The following MTX3 variants were observed in gnomAD, a reference collection of about 807,000 sequenced individuals.
MTX3 encodes metaxin-3.
A neutral mutation model predicts 42.5 loss-of-function variants in MTX3; 27 were observed. The observed-to-expected ratio is 0.64, with a 90% CI of 0.47 to 0.88. MTX3 has a LOEUF of 0.88. Among genes scored for constraint, MTX3 ranks in the 40% least tolerant of loss-of-function variants. The probability of loss-of-function intolerance (pLI) is 0.00; values close to 1 mark genes in which losing one functional copy is unlikely to be tolerated. For synonymous variants in MTX3, 144 were observed against 132.9 expected, an observed-to-expected ratio of 1.08 and a Z score of -0.57; for missense variants, 378 against 367.0, an observed-to-expected ratio of 1.03 and a Z score of -0.25.
Position 79,980,020 on chromosome 5 carries a change from G to A in MTX3, c.*3664C>T, listed in dbSNP as rs796688508. The A allele has an allele frequency of 1.3e-5, 2 of 152,214 alleles. No homozygotes were observed. The highest frequency in any genetic ancestry group is 4.8e-5 in the African/African-American group (2 of 41,528). The allele number at this position is 152,214 out of a possible 1,614,324, so 9.4% of individuals were successfully genotyped here. On this transcript the variant is annotated 3_prime_UTR_variant, in exon 9 of 9. Coordinates refer to ENST00000512528, the MANE Select transcript of MTX3 (RefSeq NM_001363818.2). ...AGACTCACAAGAAGTTATAAAAATAGTTCAGAGAGATCCCAGGTACCCACT... is the reference window on the plus strand; with the variant it reads ...AGACTCACAAGAAGTTATAAAAATAATTCAGAGAGATCCCAGGTACCCACT...
intron 6 of MTX3, 102 bp from the exon 7 acceptor site, chr5:79,987,209 C>A: frequency 1.0e-6 from 1 of 992,530 alleles, no homozygotes. Context: ...GGAGATCAAG[C>A]GGGGGCAGAT....
chr5:79,990,089 T>TA, intron 3 of MTX3, 71 bp downstream of exon 3: 2 of 908,478 alleles, frequency 2.2e-6, no homozygotes, highest in Non-Finnish European at 3.2e-6. Context: ...AAAAAATAAA[T>TA]AAATAAAATA....
At chr5:79,987,432 C>G (rs2151142474) in intron 6 of MTX3, among the ~76,000 whole-genome samples, 1 of 117,184 alleles carries the variant, frequency 8.5e-6, no homozygotes, top group Non-Finnish European at 1.7e-5. Context: ...AAGAGCAAGA[C>G]TCCATCTCAA....
At chr5:79,984,858 T>C (rs1056580783) in intron 8 of MTX3, among the ~76,000 whole-genome samples, 5 of 152,070 alleles carry the variant, frequency 3.3e-5, no homozygotes, top group African/African-American at 1.2e-4. Context: ...AATAAAACTT[T>C]CATGTGGAAA....
Position 79,982,918 on chromosome 5 carries a change from GA to G in MTX3, c.*765del, listed in dbSNP as rs1831405374. ...TTCACTTCTTCTGGAATTAATACAA[GA>G]AAGACAACTGAAGATGTACTACAAA... On this transcript the variant is annotated 3_prime_UTR_variant, in exon 9 of 9. Coordinates refer to ENST00000512528, the MANE Select transcript of MTX3 (RefSeq NM_001363818.2). The G allele has an allele frequency of 6.5e-6, 1 of 154,510 alleles. No homozygotes were observed. The highest frequency in any genetic ancestry group is 2.4e-5 in the African/African-American group (1 of 41,430). 9.6% of individuals were successfully genotyped at this position (154,510 alleles called of 1,614,324 possible). A position where few individuals can be genotyped will look rare whatever the true frequency, so the allele number is the denominator to read the frequency against.
In MTX3 at chr5:79,979,436, C is replaced by T. The variant is rs1204592840; in HGVS notation, c.*4248G>A. 1 of 152,160 alleles carries T rather than the reference C, an allele frequency of 6.6e-6. No individual in the cohort carries two copies. Among genetic ancestry groups the T allele is most frequent in the African/African-American group, 2.4e-5 (1 of 41,442 alleles). 9.4% of individuals were successfully genotyped at this position (152,160 alleles called of 1,614,324 possible). A position where few individuals can be genotyped will look rare whatever the true frequency, so the allele number is the denominator to read the frequency against. On this transcript the variant is annotated 3_prime_UTR_variant, in exon 9 of 9. Transcript: ENST00000512528. ...TATTTCTTAACATCAAGAACATATA[C>T]AAAAGATGATCATTACCACCCAAAT...
At chr5:79,985,897 G>A (rs371886437) in intron 7 of MTX3, among the ~76,000 whole-genome samples, 5 of 149,530 alleles carry the variant, frequency 3.3e-5, no homozygotes, top group Admixed American at 1.3e-4. Context: ...TGCTAACCAA[G>A]TGTTCTGCAA....
At position 79,983,675 on chromosome 5, in the gene MTX3, T is replaced by G. The variant is rs764574403; in HGVS notation, c.*9A>C. On this transcript the variant is annotated 3_prime_UTR_variant, in exon 9 of 9. Coordinates refer to ENST00000512528, the MANE Select transcript of MTX3 (RefSeq NM_001363818.2). ...ATCGTTTGACTTTGGCCACAAACCA[T>G]GACTACTCTCAGGGCGAAAGCCGTT... is the stretch of plus-strand genomic sequence containing the variant. 1 of 1,598,118 alleles carries G rather than the reference T, an allele frequency of 6.3e-7. No homozygotes were observed. Among genetic ancestry groups the G allele is most frequent in the African/African-American group, 1.3e-5 (1 of 74,674 alleles).
intron 1 of MTX3, 70 bp downstream of exon 1, chr5:79,991,087 TG>T: frequency 1.4e-6 from 2 of 1,423,914 alleles, no homozygotes; most frequent in Non-Finnish European, 1.9e-6. Flanking sequence ...AGCGGGAAAC[TG>T]GGGCAAGTCA....
At position 79,990,204 on chromosome 5, in the gene MTX3, T is replaced by C. The variant is rs1831603442; in HGVS notation, c.184A>G (p.Met62Val). The C allele has an allele frequency of 1.2e-6, 2 of 1,610,284 alleles. No individual in the cohort carries two copies. Among genetic ancestry groups the C allele is most frequent in the Non-Finnish European group, 8.5e-7 (1 of 1,178,408 alleles). ...AGTATTTTTGCTGGCTGAGAAACCA[T>C]GTCGTCTTCAGTTGTCAAAATTGGT... ...DVPILTTEDDMVSQPAKILNF... is the reference protein window; with the variant it reads ...DVPILTTEDDVVSQPAKILNF... The change falls in exon 3 of 9, where the codon ATG becomes GTG. Residue 62 changes from methionine to valine, a missense_variant. Coordinates refer to ENST00000512528, the MANE Select transcript of MTX3 (RefSeq NM_001363818.2).
At chr5:79,984,600 G>GT (rs1486329533) in intron 8 of MTX3, among the ~76,000 whole-genome samples, 2 of 150,700 alleles carry the variant, frequency 1.3e-5, no homozygotes, top group African/African-American at 4.9e-5. Flanking sequence ...TTGTAAAATA[G>GT]TAAGTATTAC....
In MTX3 at chr5:79,990,619, T is replaced by C; in HGVS notation, c.126A>G (p.Ile42Met). Residue 42 changes from isoleucine to methionine, a missense_variant, in exon 2 of 9, where the codon ATA becomes ATG. Transcript: ENST00000512528. ...CTCTTGAACCTCTCCAGGTGTTATC[T>C]ATCACATTGACTTTCAAGGGTGCAC... ...FSGAPLKVNV[I>M]DNTWRGSRGD... 2.5e-6 allele frequency: 4 copies of C among 1,612,610 alleles called. No homozygotes were observed. The highest frequency in any genetic ancestry group is 3.4e-6 in the Non-Finnish European group (4 of 1,179,152).
Position 79,981,121 on chromosome 5 carries a change from C to T in MTX3, c.*2563G>A, listed in dbSNP as rs1331493877. On this transcript the variant is annotated 3_prime_UTR_variant, in exon 9 of 9. Coordinates refer to ENST00000512528, the MANE Select transcript of MTX3 (RefSeq NM_001363818.2). ...CCAGGAGGTAGAGGTTGCAGTGAGCCGAGACTGCGCTACTGCACTCCAGCC... is the reference window on the plus strand; with the variant it reads ...CCAGGAGGTAGAGGTTGCAGTGAGCTGAGACTGCGCTACTGCACTCCAGCC... 1.3e-5 allele frequency: 2 copies of T among 151,692 alleles called. No homozygotes were observed. The highest frequency in any genetic ancestry group is 4.9e-5 in the African/African-American group (2 of 41,230). The allele number at this position is 151,692 out of a possible 1,614,324, so 9.4% of individuals were successfully genotyped here.
In MTX3 at chr5:79,986,945, C is replaced by T. The variant is rs1291168057; in HGVS notation, c.739+5G>A. 6.2e-7 allele frequency: 1 copy of T among 1,611,220 alleles called. No homozygotes were observed. The highest frequency in any genetic ancestry group is 1.7e-5 in the Admixed American group (1 of 59,596). On this transcript the variant is annotated splice_donor_5th_base_variant and intron_variant, in intron 7 of 8. Coordinates refer to ENST00000512528, the MANE Select transcript of MTX3 (RefSeq NM_001363818.2). ...CAAACATTAGCTGAAAAAGAGCCAGCTTACCTCCAAGACTAAGCCTAAAAT... is the reference window on the plus strand; with the variant it reads ...CAAACATTAGCTGAAAAAGAGCCAGTTTACCTCCAAGACTAAGCCTAAAAT...
At position 79,982,508 on chromosome 5, in the gene MTX3, G is replaced by C; in HGVS notation, c.*1176C>G. 2.3e-6 allele frequency: 1 copy of C among 435,744 alleles called. No individual in the cohort carries two copies. Among genetic ancestry groups the C allele is most frequent in the South Asian group, 1.7e-5 (1 of 60,354 alleles). 27.0% of individuals were successfully genotyped at this position (435,744 alleles called of 1,614,324 possible). A position where few individuals can be genotyped will look rare whatever the true frequency, so the allele number is the denominator to read the frequency against. ...TTAAAAACCTCAGAAGTAGTTTTAG[G>C]ACAACAGAAGCACCTCAACCACTAA... On this transcript the variant is annotated 3_prime_UTR_variant, in exon 9 of 9. Coordinates refer to ENST00000512528, the MANE Select transcript of MTX3 (RefSeq NM_001363818.2).
Position 79,982,291 on chromosome 5 carries a change from A to G in MTX3, c.*1393T>C. On this transcript the variant is annotated 3_prime_UTR_variant, in exon 9 of 9. Coordinates refer to ENST00000512528, the MANE Select transcript of MTX3 (RefSeq NM_001363818.2). ...ATGACTTAAAGACTCTTGTATAAAT[A>G]ACTACCTAAATACAGAACAAATTGG... 1 of 376,684 alleles carries G rather than the reference A, an allele frequency of 2.7e-6. No individual in the cohort carries two copies. The highest frequency in any genetic ancestry group is 2.0e-5 in the South Asian group (1 of 50,704). 23.3% of individuals were successfully genotyped at this position (376,684 alleles called of 1,614,324 possible). A position where few individuals can be genotyped will look rare whatever the true frequency, so the allele number is the denominator to read the frequency against.
In MTX3 at chr5:79,988,552, C is replaced by T; in HGVS notation, c.414G>A (p.Leu138=). ...GTGCTCCCTTAGACATTCTTCCAGG[C>T]AGGATCAAACTCAAAGGAAAAGGAA... ...SQIPFPLSLI[L]PGRMSKGALN... The change falls in exon 5 of 9, where the codon CTG becomes CTA. Residue 138 remains leucine, a synonymous_variant. Transcript: ENST00000512528. 3.1e-6 allele frequency: 5 copies of T among 1,611,088 alleles called. No individual in the cohort carries two copies. The highest frequency in any genetic ancestry group is 4.2e-6 in the Non-Finnish European group (5 of 1,178,726).
Position 79,983,311 on chromosome 5 carries a change from A to G in MTX3, c.*373T>C, listed in dbSNP as rs1831413495. 5.9e-6 allele frequency: 1 copy of G among 170,510 alleles called. No individual in the cohort carries two copies. Among genetic ancestry groups the G allele is most frequent in the Admixed American group, 5.8e-5 (1 of 17,294 alleles). The allele number at this position is 170,510 out of a possible 1,614,324, so 10.6% of individuals were successfully genotyped here. A position where few individuals can be genotyped will look rare whatever the true frequency, so the allele number is the denominator to read the frequency against. ...TGGTCTAAGAAAACTAAGTTAATAA[A>G]TTGAATAAATTAAATCAAATAAATT... On this transcript the variant is annotated 3_prime_UTR_variant, in exon 9 of 9. Transcript: ENST00000512528.
In MTX3 at chr5:79,983,596, T is replaced by C; in HGVS notation, c.*88A>G. The C allele has an allele frequency of 1.1e-6, 1 of 913,578 alleles. No individual in the cohort carries two copies. The highest frequency in any genetic ancestry group is 1.8e-6 in the Non-Finnish European group (1 of 546,488). The allele number at this position is 913,578 out of a possible 1,614,324, so 56.6% of individuals were successfully genotyped here. A position where few individuals can be genotyped will look rare whatever the true frequency, so the allele number is the denominator to read the frequency against. ...GGTTTAGAGTCTTCCTTAATACCTA[T>C]TATGGTATCTTCTTTTTGCCTTCAC... On this transcript the variant is annotated 3_prime_UTR_variant, in exon 9 of 9. Transcript: ENST00000512528.
Sources: gnomAD v4.1 joint callset for allele counts (sites outside exome capture counted in the v4.1 genomes callset) on GRCh38, gnomAD v4.1.1 for gene constraint, MANE v1.5 for transcripts, NCBI Gene and HGNC (gene_info 2026-07-23, HGNC 2026-07-21) for gene names.